GNB4: variants seen among roughly 807,000 people sequenced by gnomAD.
The protein encoded by GNB4 is G protein subunit beta 4, also known as guanine nucleotide-binding protein subunit beta-4.
GNB4 carries 28 observed loss-of-function variants against 45.2 expected under a neutral mutation model. The ratio of observed to expected loss-of-function variants is 0.62; its 90% CI spans 0.46 to 0.85. The LOEUF (loss-of-function observed/expected upper bound fraction) is 0.85, where lower values mean the gene tolerates loss of function less well. GNB4 is among the 40% of genes least tolerant of loss of function. The probability of loss-of-function intolerance (pLI) is 0.00; values close to 1 mark genes in which losing one functional copy is unlikely to be tolerated. For synonymous variants in GNB4, 132 were observed against 143.7 expected (o/e 0.92, Z 0.58); for missense variants, 321 against 425.4 (o/e 0.75, Z 2.16).
chr3:179,465,016 T>C, the GNB4 span: 1 of 1,521,636 alleles, frequency 6.6e-7, no homozygotes, highest in Admixed American at 1.7e-5. Flanking sequence ...GTCCCGGAGG[T>C]GATGCCACTG....
chr3:179,452,685 T>C (rs538214380), upstream of GNB4, among the ~76,000 whole-genome samples: 1 of 152,256 alleles, frequency 6.6e-6, no homozygotes, highest in Admixed American at 6.5e-5. Flanking sequence ...TAGAAGCAGC[T>C]GTTTCTATTT....
intron 6 of GNB4, among the ~76,000 whole-genome samples, chr3:179,414,148 T>A (rs1714729277): frequency 6.6e-6 from 1 of 152,178 alleles, no homozygotes; most frequent in Non-Finnish European, 1.5e-5. Context: ...AGGATGCCTC[T>A]GGGTGCACCG....
chr3:179,487,535 C>T, the GNB4 span, among the ~76,000 whole-genome samples: 1 of 152,048 alleles, frequency 6.6e-6, no homozygotes, highest in African/African-American at 2.4e-5. Context: ...AACTGACCAA[C>T]ATTAATGTTA....
the GNB4 span, among the ~76,000 whole-genome samples, chr3:179,459,675 T>A: frequency 7.0e-6 from 1 of 142,610 alleles, no homozygotes; most frequent in Admixed American, 7.2e-5. Flanking sequence ...AGAGTAAATC[T>A]CCATCTTAAC....
chr3:179,475,398 C>G, the GNB4 span, among the ~76,000 whole-genome samples: 1 of 151,730 alleles, frequency 6.6e-6, no homozygotes, highest in African/African-American at 2.4e-5. Context: ...GGATTACAGG[C>G]GTGAGCCACC....
At chr3:179,478,681 A>C in the GNB4 span, among the ~76,000 whole-genome samples, 110 of 152,232 alleles carry the variant, frequency 7.2e-4, no homozygotes, top group East Asian at 0.013. Context: ...AGTAGCTAGG[A>C]CTACAGATGT....
Position 179,418,470 on chromosome 3 carries a change from CAAAAAAAA to C in GNB4, c.203+921_203+928del, listed in dbSNP as rs386356535. Among the ~76,000 whole-genome samples, 429 of 95,380 alleles carry C rather than the reference CAAAAAAAA, an allele frequency of 4.5e-3. 1 individual carries two copies. Among genetic ancestry groups the C allele is most frequent in the African/African-American group, 0.016 (394 of 25,164 alleles). 62.6% of individuals were successfully genotyped at this position (95,380 alleles called of 152,430 possible). ...GGGCAACAAGAGTGAAACTCTGTCTCAAAAAAAAAAAAAAAAAAGAAAAAAGAAAAGAA... is the reference window on the plus strand; with the variant it reads ...GGGCAACAAGAGTGAAACTCTGTCTCAAAAAAAAAAGAAAAAAGAAAAGAA... On this transcript the variant is annotated intron_variant, in intron 4 of 9. Coordinates refer to ENST00000232564, the MANE Select transcript of GNB4 (RefSeq NM_021629.4).
chr3:179,475,260 T>C, the GNB4 span, among the ~76,000 whole-genome samples: 2 of 150,874 alleles, frequency 1.3e-5, no homozygotes, highest in African/African-American at 4.9e-5. Context: ...TGGGACTACA[T>C]GCACGTGCCA....
At chr3:179,455,215 T>C (rs1170703121), upstream of GNB4, among the ~76,000 whole-genome samples, 3 of 152,140 alleles carry the variant, frequency 2.0e-5, no homozygotes, top group Admixed American at 1.3e-4. Flanking sequence ...GTCACAGGCA[T>C]GGGAGAGGGA....
intron 3 of GNB4, among the ~76,000 whole-genome samples, 199 bp downstream of exon 3, chr3:179,420,690 A>G (rs1221958630): frequency 6.6e-6 from 1 of 151,872 alleles, no homozygotes; most frequent in Non-Finnish European, 1.5e-5. Context: ...TTATTTTTCC[A>G]TAGATGTCTA....
chr3:179,401,634 C>T (rs1232894524), intron 9 of GNB4, among the ~76,000 whole-genome samples: 4 of 152,192 alleles, frequency 2.6e-5, no homozygotes, highest in African/African-American at 4.8e-5. Flanking sequence ...AATTATTCCA[C>T]ATCTCTAATA....
At chr3:179,508,706 A>G in the GNB4 span, among the ~76,000 whole-genome samples, 2 of 152,126 alleles carry the variant, frequency 1.3e-5, no homozygotes, top group East Asian at 3.9e-4. Context: ...ACATAACTAC[A>G]TAGAAAATAA....
At chr3:179,503,455 GA>G in the GNB4 span, among the ~76,000 whole-genome samples, 14 of 152,090 alleles carry the variant, frequency 9.2e-5, no homozygotes, top group Non-Finnish European at 1.8e-4. Context: ...TAAAATATTA[GA>G]AAAAAATTCC....
chr3:179,504,483 G>A, the GNB4 span, among the ~76,000 whole-genome samples: 1 of 152,128 alleles, frequency 6.6e-6, no homozygotes, highest in Non-Finnish European at 1.5e-5. Flanking sequence ...GAATGTTGGG[G>A]ATAAGAATCA....
At chr3:179,526,672 T>C in the GNB4 span, among the ~76,000 whole-genome samples, 8 of 152,216 alleles carry the variant, frequency 5.3e-5, no homozygotes, top group Admixed American at 6.5e-5. Flanking sequence ...GCATAATATC[T>C]GAACCGTGCT....
At chr3:179,435,938 A>G (rs1014967427) in intron 1 of GNB4, among the ~76,000 whole-genome samples, 2 of 152,220 alleles carry the variant, frequency 1.3e-5, no homozygotes, top group Non-Finnish European at 2.9e-5. Flanking sequence ...ACTTTTACTG[A>G]AGCAAGGCAT....
intron 1 of GNB4, among the ~76,000 whole-genome samples, chr3:179,442,661 G>A (rs540874680): frequency 1.1e-4 from 17 of 150,902 alleles, no homozygotes; most frequent in African/African-American, 2.0e-4. Flanking sequence ...TTGTTCTGTC[G>A]CCCAGGTTAA....
chr3:179,468,035 A>AAAAAAAAAAAAAATATATAT, the GNB4 span, among the ~76,000 whole-genome samples: 127 of 89,860 alleles, frequency 1.4e-3, 7 homozygotes, highest in Middle Eastern at 0.013. Context: ...TGTTGATAAA[A>AAAAAAAAAAAAAATATATAT]ATATATATAT....
At chr3:179,415,861 T>C (rs1193311168) in intron 5 of GNB4, among the ~76,000 whole-genome samples, 1 of 152,210 alleles carries the variant, frequency 6.6e-6, no homozygotes, top group East Asian at 1.9e-4. Flanking sequence ...TCAATCAGGT[T>C]GAAATTATTA....
Sources: allele counts gnomAD v4.1 joint callset (sites outside exome capture counted in the v4.1 genomes callset), GRCh38; gene constraint gnomAD v4.1.1; transcripts MANE v1.5; gene names NCBI Gene and HGNC (gene_info 2026-07-23, HGNC 2026-07-21).